ZFPM2: variants seen among roughly 807,000 people sequenced by gnomAD.
ZFPM2 encodes the protein zinc finger protein, FOG family member 2, also known as zinc finger protein ZFPM2.
A neutral mutation model predicts 98.6 loss-of-function variants in ZFPM2; 20 were observed. The observed-to-expected ratio is 0.20, with a 90% CI of 0.14 to 0.29. The LOEUF is 0.29. Among genes scored for constraint, ZFPM2 ranks in the 10% least tolerant of loss-of-function variants. The probability of loss-of-function intolerance (pLI) is 1.00; values close to 1 mark genes in which losing one functional copy is unlikely to be tolerated. For synonymous variants in ZFPM2, 518 were observed against 502.7 expected, an observed-to-expected ratio of 1.03 and a Z score of -0.41; for missense variants, 1,310 against 1,388.6, an observed-to-expected ratio of 0.94 and a Z score of 0.90.
chr8:105,501,905 TA>T (rs1369337427), intron 3 of ZFPM2, among the ~76,000 whole-genome samples: 1 of 123,918 alleles, frequency 8.1e-6, no homozygotes, highest in East Asian at 2.2e-4. Context: ...ACAGGTAAAA[TA>T]AACACAATGT....
At chr8:105,535,792 G>C (rs1256791142) in intron 3 of ZFPM2, among the ~76,000 whole-genome samples, 1 of 152,020 alleles carries the variant, frequency 6.6e-6, no homozygotes, top group African/African-American at 2.4e-5. Context: ...ATGTTACATG[G>C]GATGCTAGAG....
At chr8:105,350,481 A>C (rs1335276693) in intron 1 of ZFPM2, among the ~76,000 whole-genome samples, 1 of 152,216 alleles carries the variant, frequency 6.6e-6, no homozygotes, top group African/African-American at 2.4e-5. Context: ...AAAAGAGAGT[A>C]GTGTAGATTG....
chr8:105,595,542 A>G (rs36037684), intron 4 of ZFPM2, among the ~76,000 whole-genome samples: 2 of 152,126 alleles, frequency 1.3e-5, no homozygotes, highest in Admixed American at 1.3e-4. Context: ...ATAAATTGGG[A>G]CTGCCAATTC....
chr8:105,351,251 C>T (rs963170960), intron 1 of ZFPM2, among the ~76,000 whole-genome samples: 2 of 151,374 alleles, frequency 1.3e-5, no homozygotes, highest in Non-Finnish European at 2.9e-5. Context: ...TACTTTAAAT[C>T]ATTTCTGTAT....
At chr8:105,343,047 G>T (rs1812458381) in intron 1 of ZFPM2, among the ~76,000 whole-genome samples, 1 of 152,216 alleles carries the variant, frequency 6.6e-6, no homozygotes, top group South Asian at 2.1e-4. Context: ...CTATGGTTCA[G>T]TGGGAAACAT....
chr8:105,489,577 C>A (rs1813317419), intron 3 of ZFPM2, among the ~76,000 whole-genome samples: 1 of 150,580 alleles, frequency 6.6e-6, no homozygotes, highest in African/African-American at 2.4e-5. Context: ...AACTGTCCTG[C>A]CTCAGCCTCC....
intron 2 of ZFPM2, among the ~76,000 whole-genome samples, chr8:105,441,975 T>C (rs1327311589): frequency 6.6e-5 from 10 of 152,122 alleles, no homozygotes; most frequent in Non-Finnish European, 1.5e-4. Context: ...GACTTTTTTA[T>C]GGTGTGCCTT....
At chr8:105,391,518 A>G (rs1168431294) in intron 1 of ZFPM2, among the ~76,000 whole-genome samples, 1 of 152,196 alleles carries the variant, frequency 6.6e-6, no homozygotes, top group Non-Finnish European at 1.5e-5. Flanking sequence ...ATAGTATTTT[A>G]TCTACTGTAG....
intron 4 of ZFPM2, among the ~76,000 whole-genome samples, chr8:105,609,024 T>A (rs2130796238): frequency 1.3e-5 from 2 of 151,252 alleles, no homozygotes; most frequent in African/African-American, 2.4e-5. Context: ...TGTAGACAAA[T>A]GAAATAGAAG....
intron 5 of ZFPM2, among the ~76,000 whole-genome samples, chr8:105,749,935 G>A (rs1812438192): frequency 6.6e-6 from 1 of 151,974 alleles, no homozygotes; most frequent in South Asian, 2.1e-4. Context: ...ATATTTTAGG[G>A]AGAAAGTATG....
At chr8:105,784,082 G>C (rs981387632) in intron 5 of ZFPM2, among the ~76,000 whole-genome samples, 17 of 151,934 alleles carry the variant, frequency 1.1e-4, no homozygotes, top group African/African-American at 4.1e-4. Flanking sequence ...ATATCCTGTG[G>C]TTTGTTTCTA....
chr8:105,453,942 T>C (rs2130265216), intron 3 of ZFPM2, among the ~76,000 whole-genome samples: 1 of 152,248 alleles, frequency 6.6e-6, no homozygotes, highest in Admixed American at 6.5e-5. Flanking sequence ...CACTCACGGG[T>C]ACTTTGATAG....
At chr8:105,746,527 T>G (rs145135415) in intron 5 of ZFPM2, among the ~76,000 whole-genome samples, 66 of 152,166 alleles carry the variant, frequency 4.3e-4, no homozygotes, top group Non-Finnish European at 7.5e-4. Context: ...TAGTTACAAA[T>G]TTTTGCTTAT....
chr8:105,330,554 A>G (rs1344228456), intron 1 of ZFPM2, among the ~76,000 whole-genome samples: 44 of 29,856 alleles, frequency 1.5e-3, no homozygotes, highest in African/African-American at 4.3e-3. Flanking sequence ...ATATATATAC[A>G]TATATATATA....
At chr8:105,690,906 T>G (rs560684481) in intron 5 of ZFPM2, 2 of 152,238 alleles carry the variant, frequency 1.3e-5, no homozygotes, top group South Asian at 4.1e-4. Context: ...ATCTAGAGAG[T>G]TAAGCTCAAG....
chr8:105,626,318 G>C (rs1307372829), intron 4 of ZFPM2, among the ~76,000 whole-genome samples: 1 of 152,132 alleles, frequency 6.6e-6, no homozygotes, highest in Non-Finnish European at 1.5e-5. Flanking sequence ...ATAGCTGTTG[G>C]TAAGGGAAAT....
chr8:105,728,256 T>G (rs1400288903), intron 5 of ZFPM2, among the ~76,000 whole-genome samples: 2 of 151,682 alleles, frequency 1.3e-5, no homozygotes, highest in Non-Finnish European at 2.9e-5. Flanking sequence ...GAGATTTTAT[T>G]TCCAGTGGTT....
rs756327265 is a variant in ZFPM2 at position 105,801,155 on chromosome 8, T to A, written c.1073T>A (p.Leu358His). The A allele has an allele frequency of 6.2e-7, 1 of 1,613,964 alleles. No homozygotes were observed. The change falls in exon 8 of 8, where the codon CTC becomes CAC. Residue 358 changes from leucine (L) to histidine (H), a missense_variant. Transcript: ENST00000407775. ...TTTCACCAACACCTGTTCTCCCATC[T>A]CACTCAAGCTGCCTTCCGATGTAAT... The part of the protein sequence containing the change: ...INFHQHLFSH[L>H]TQAAFRCNHC...
intron 1 of ZFPM2, among the ~76,000 whole-genome samples, chr8:105,400,651 GTA>G (rs1811322194): frequency 6.6e-6 from 1 of 151,902 alleles, no homozygotes. Context: ...TGCACTTTTG[GTA>G]TATATTTAGG....
Sources: allele counts gnomAD v4.1 joint callset (sites outside exome capture counted in the v4.1 genomes callset), GRCh38; gene constraint gnomAD v4.1.1; transcripts MANE v1.5; gene names NCBI Gene and HGNC (gene_info 2026-07-23, HGNC 2026-07-21).